RASA1: variants seen among roughly 807,000 people sequenced by gnomAD.
RASA1 encodes RAS p21 protein activator 1, also known as ras GTPase-activating protein 1.
Under a neutral mutation model 132.2 loss-of-function variants are expected in RASA1, and 25 were observed. The observed-to-expected ratio is 0.19, with a 90% CI of 0.14 to 0.26. RASA1 has a LOEUF of 0.26. Among genes scored for constraint, RASA1 ranks in the 10% least tolerant of loss-of-function variants. RASA1 has a pLI of 1.00. For missense variants in RASA1, 964 were observed against 1,299.2 expected, an observed-to-expected ratio of 0.74 and a Z score of 3.97; for synonymous variants, 477 against 449.9, an observed-to-expected ratio of 1.06 and a Z score of -0.76.
intron 20 of RASA1, 31 bp from the exon 21 acceptor site, chr5:87,383,678 TAAAA>T (rs368117332): frequency 2.3e-5 from 31 of 1,319,368 alleles, no homozygotes; most frequent in African/African-American, 6.4e-5. Flanking sequence ...AGGTGTTTTC[TAAAA>T]AAAAAAAAAA....
intron 9 of RASA1, among the ~76,000 whole-genome samples, chr5:87,360,650 G>A (rs1013593570): frequency 1.3e-5 from 2 of 152,098 alleles, no homozygotes; most frequent in Non-Finnish European, 2.9e-5. Flanking sequence ...AAATTTTGAT[G>A]TACATACAAA....
chr5:87,297,301 C>G (rs1179859075), intron 1 of RASA1, among the ~76,000 whole-genome samples: 1 of 152,014 alleles, frequency 6.6e-6, no homozygotes, highest in East Asian at 1.9e-4. Context: ...TGTTTTTTGC[C>G]TTTTATTATG....
chr5:87,367,168 A>T (rs1225347079), intron 11 of RASA1, among the ~76,000 whole-genome samples: 2 of 152,254 alleles, frequency 1.3e-5, no homozygotes, highest in African/African-American at 4.8e-5. Context: ...CAAGGCAAAT[A>T]GCATTAACAA....
chr5:87,378,545 A>G lies in RASA1; in HGVS notation c.2487+7A>G. On this transcript the variant is annotated splice_region_variant and intron_variant, in intron 18 of 24. Coordinates refer to ENST00000274376, the MANE Select transcript of RASA1 (RefSeq NM_002890.3). ...AAGCAAGCAGTCTTGTGAGGTAAGA[A>G]TTTAATGTTTTAATAAGTATTTTTG... 1.9e-6 allele frequency: 3 copies of G among 1,600,888 alleles called. No individual in the cohort carries two copies. Among genetic ancestry groups the G allele is most frequent in the Non-Finnish European group, 1.7e-6 (2 of 1,168,248 alleles).
rs1240397247 is a variant in RASA1, at chr5:87,338,520, TATATATATATATAAAA to T, written c.1017+430_1017+445del. ...CTAATTTTATATATATATATATATATATATATATATATAAAATTTTTTTTTTTTTTAAGTAGAAATG... is the reference window on the plus strand; with the variant it reads ...CTAATTTTATATATATATATATATATTTTTTTTTTTTTTTAAGTAGAAATG... On this transcript the variant is annotated intron_variant, in intron 5 of 24. Coordinates refer to ENST00000274376, the MANE Select transcript of RASA1 (RefSeq NM_002890.3). Among the ~76,000 whole-genome samples, 34 of 100,880 alleles carry T rather than the reference TATATATATATATAAAA, an allele frequency of 3.4e-4. 2 individuals carry two copies. The highest frequency in any genetic ancestry group is 1.6e-3 in the East Asian group (5 of 3,208). 66.2% of individuals were successfully genotyped at this position (100,880 alleles called of 152,430 possible).
At chr5:87,304,417 A>G (rs750069389) in intron 1 of RASA1, among the ~76,000 whole-genome samples, 1 of 151,564 alleles carries the variant, frequency 6.6e-6, no homozygotes, top group African/African-American at 2.4e-5. Context: ...GAACATCTGA[A>G]CTTCACTTAT....
intron 1 of RASA1, among the ~76,000 whole-genome samples, chr5:87,304,287 A>G (rs1011319122): frequency 2.6e-5 from 4 of 152,170 alleles, no homozygotes; most frequent in South Asian, 4.1e-4. Flanking sequence ...ATTGTTTCAT[A>G]TAGCCTGACA....
chr5:87,384,415 T>A (rs1400423207), intron 21 of RASA1, among the ~76,000 whole-genome samples: 1 of 152,134 alleles, frequency 6.6e-6, no homozygotes, highest in Admixed American at 6.6e-5. Context: ...TTATAAACAG[T>A]AGGAACTGGA....
chr5:87,388,700 C>T (rs184332014), intron 23 of RASA1, among the ~76,000 whole-genome samples: 1 of 152,268 alleles, frequency 6.6e-6, no homozygotes, highest in East Asian at 1.9e-4. Context: ...TGAGCATAGT[C>T]CACAGATAAT....
intron 1 of RASA1, among the ~76,000 whole-genome samples, chr5:87,283,148 G>GTTTTTTTTTTTTT (rs200461511): frequency 1.2e-4 from 12 of 103,202 alleles, no homozygotes; most frequent in Non-Finnish European, 2.1e-4. Flanking sequence ...TTTTTTTTGT[G>GTTTTTTTTTTTTT]TTTTTTTTTT....
At chr5:87,315,117 T>C (rs1756226868) in intron 1 of RASA1, among the ~76,000 whole-genome samples, 1 of 152,236 alleles carries the variant, frequency 6.6e-6, no homozygotes, top group Non-Finnish European at 1.5e-5. Context: ...CATAAAGAAG[T>C]ACAGAATTAC....
chr5:87,284,563 A>G (rs1488176514), intron 1 of RASA1, among the ~76,000 whole-genome samples: 1 of 152,230 alleles, frequency 6.6e-6, no homozygotes, highest in Non-Finnish European at 1.5e-5. Flanking sequence ...CTCTACTTAG[A>G]CTTAGGGGAC....
Position 87,390,975 on chromosome 5 carries a change from A to T in RASA1, c.*92A>T. ...GTCTCCTTTGCTCTTGCCAAAAAAT[A>T]GCACACTTTTCCACATTCCAGTGAT... On this transcript the variant is annotated 3_prime_UTR_variant, in exon 25 of 25. Coordinates refer to ENST00000274376, the MANE Select transcript of RASA1 (RefSeq NM_002890.3). The T allele has an allele frequency of 7.7e-7, 1 of 1,291,060 alleles. No homozygotes were observed. 80.0% of individuals were successfully genotyped at this position (1,291,060 alleles called of 1,614,324 possible).
chr5:87,278,027 G>A (rs1251703362), intron 1 of RASA1, among the ~76,000 whole-genome samples: 1 of 151,872 alleles, frequency 6.6e-6, no homozygotes, highest in Admixed American at 6.6e-5. Flanking sequence ...TAAAAATTTC[G>A]CTAATACATC....
chr5:87,308,639 A>G (rs1755731875), intron 1 of RASA1, among the ~76,000 whole-genome samples: 2 of 152,230 alleles, frequency 1.3e-5, no homozygotes, highest in Non-Finnish European at 2.9e-5. Context: ...ATGCATTTGT[A>G]TAACACATAA....
intron 1 of RASA1, among the ~76,000 whole-genome samples, chr5:87,324,298 CCT>C (rs572150965): frequency 1.1e-4 from 17 of 152,286 alleles, no homozygotes; most frequent in African/African-American, 3.1e-4. Context: ...CCCTTTTCCT[CCT>C]CTCTTTCAAC....
chr5:87,391,908 T>A lies in RASA1; in HGVS notation c.*1025T>A, dbSNP rs1762554661. 1.3e-5 allele frequency: 3 copies of A among 226,684 alleles called. No homozygotes were observed. Among genetic ancestry groups the A allele is most frequent in the Non-Finnish European group, 2.6e-5 (3 of 113,960 alleles). The allele number at this position is 226,684 out of a possible 1,614,324, so 14.0% of individuals were successfully genotyped here. A position where few individuals can be genotyped will look rare whatever the true frequency, so the allele number is the denominator to read the frequency against. On this transcript the variant is annotated 3_prime_UTR_variant, in exon 25 of 25. Transcript: ENST00000274376. ...GTTAAGTTAAAATAAAACCAAGGGA[T>A]ATCTTGCATAATTGATTACTTCTGT...
At chr5:87,304,939 C>CTTTTTTTTTTT (rs756572506) in intron 1 of RASA1, among the ~76,000 whole-genome samples, 4 of 64,408 alleles carry the variant, frequency 6.2e-5, no homozygotes, top group African/African-American at 1.2e-4. Flanking sequence ...TCTTTTAGTC[C>CTTTTTTTTTTT]TTTTTTTTTT....
chr5:87,284,418 A>C (rs1754454109), intron 1 of RASA1, among the ~76,000 whole-genome samples: 1 of 152,184 alleles, frequency 6.6e-6, no homozygotes, highest in Non-Finnish European at 1.5e-5. Context: ...GTGGCTGCCA[A>C]AGCATGGATT....
Sources: gnomAD v4.1 joint callset for allele counts (sites outside exome capture counted in the v4.1 genomes callset) on GRCh38, gnomAD v4.1.1 for gene constraint, MANE v1.5 for transcripts, NCBI Gene and HGNC (gene_info 2026-07-23, HGNC 2026-07-21) for gene names.